BCL9L: variants seen among roughly 807,000 people sequenced by gnomAD.
The protein encoded by BCL9L is BCL9 like.
In BCL9L, 19 loss-of-function variants were observed where a neutral mutation model predicts 99.4. The observed-to-expected ratio is 0.19, with a 90% CI of 0.13 to 0.28. The LOEUF is 0.28. BCL9L is among the 10% of genes least tolerant of loss of function. BCL9L has a pLI of 1.00. For missense variants in BCL9L, 2,023 were observed against 2,101.6 expected (o/e 0.96, Z 0.73); for synonymous variants, 900 against 854.8 (o/e 1.05, Z -0.92).
In BCL9L at chr11:118,900,246, A is replaced by T. The variant is rs1173293674; in HGVS notation, c.3125-48T>A. 2 of 1,518,650 alleles carry T rather than the reference A, an allele frequency of 1.3e-6. No homozygotes were observed. Among genetic ancestry groups the T allele is most frequent in the Non-Finnish European group, 1.8e-6 (2 of 1,130,390 alleles). 94.1% of individuals were successfully genotyped at this position (1,518,650 alleles called of 1,614,324 possible). On this transcript the variant is annotated intron_variant, in intron 8 of 9. Transcript: ENST00000683865. This position sits in a 1 kb window ranked among gnomAD's most constrained non-coding sequence, Gnocchi z 5.3. ...AGAGCAGGGGTGACTGGGGAGGGGC[A>T]GATGAGTTTGGCTGTGGATATGGGG... is the stretch of plus-strand genomic sequence containing the variant.
At chr11:118,904,678 G>C (rs759295530) in intron 5 of BCL9L, among the ~76,000 whole-genome samples, 3 of 152,202 alleles carry the variant, frequency 2.0e-5, no homozygotes, top group Non-Finnish European at 2.9e-5. Flanking sequence ...CAGACAGTAA[G>C]TACCAGCATT....
chr11:118,912,489 C>T (rs1392009311), intron 2 of BCL9L, among the ~76,000 whole-genome samples: 1 of 152,168 alleles, frequency 6.6e-6, no homozygotes, highest in Non-Finnish European at 1.5e-5. Flanking sequence ...TCCGCTCCCC[C>T]ACCCCGAGTG....
chr11:118,902,487 C>A lies in BCL9L; in HGVS notation c.1256G>T (p.Arg419Leu). ...AGTCTCTCCGCTGCGGAGCAGCAGTCGCTCAATGTCTCGCAGCGTCTGGAG... is the reference window on the plus strand; with the variant it reads ...AGTCTCTCCGCTGCGGAGCAGCAGTAGCTCAATGTCTCGCAGCGTCTGGAG... ...RSLQTLRDIE[R>L]LLLRSGETEP... The change falls in exon 8 of 10, where the codon CGA becomes CTA. Residue 419 changes from arginine (R) to leucine (L), a missense_variant. This residue lies in a region of BCL9L where 1,116 missense variants were observed against 1,194.6 expected (regional missense o/e 0.93). Coordinates refer to ENST00000683865, the MANE Select transcript of BCL9L (RefSeq NM_001378213.1). The surrounding 1 kb of genome is among the most constrained non-coding windows in gnomAD (Gnocchi z 7.8). 1 of 1,609,506 alleles carries A rather than the reference C, an allele frequency of 6.2e-7. No individual in the cohort carries two copies. Among genetic ancestry groups the A allele is most frequent in the Non-Finnish European group, 8.5e-7 (1 of 1,179,396 alleles).
rs1322203271 is a variant in BCL9L at position 118,900,113 on chromosome 11, T to C, written c.3210A>G (p.Pro1070=). The C allele has an allele frequency of 6.2e-7, 1 of 1,613,178 alleles. No individual in the cohort carries two copies. The highest frequency in any genetic ancestry group is 1.3e-5 in the African/African-American group (1 of 74,742). The change falls in exon 9 of 10, where the codon CCA becomes CCG. Residue 1070 remains proline, a synonymous_variant. Transcript: ENST00000683865. The surrounding 1 kb of genome is among the most constrained non-coding windows in gnomAD (Gnocchi z 5.3). ...GTGTGGGGTCTGGGGAGGAAGTGAA[T>C]GGTAGGCTGGGGTTCATGAGGCCGC... ...PPSGLMNPSL[P]FTSSPDPTPS...
rs759512014 is a variant in BCL9L, at chr11:118,922,731, G to T, written c.-131+2507C>A. On this transcript the variant is annotated intron_variant, in intron 1 of 9. Coordinates refer to ENST00000683865, the MANE Select transcript of BCL9L (RefSeq NM_001378213.1). The surrounding 1 kb of genome is among the most constrained non-coding windows in gnomAD (Gnocchi z 6.2). The stretch of plus-strand genomic sequence containing the variant: ...AGGTCAGCACCCGGGCAGTGCCCAG[G>T]GCTCTGGCACAAGGAAGGAAGGGAT... 1.8e-4 allele frequency among the ~76,000 whole-genome samples: 27 copies of T among 152,114 alleles called. No individual in the cohort carries two copies. Among genetic ancestry groups the T allele is most frequent in the Non-Finnish European group, 3.7e-4 (25 of 68,006 alleles).
rs1209837729 is a variant in BCL9L at position 118,898,692 on chromosome 11, T to C, written c.4223A>G (p.Gln1408Arg). The C allele has an allele frequency of 6.2e-7, 1 of 1,611,462 alleles. No individual in the cohort carries two copies. The highest frequency in any genetic ancestry group is 1.3e-5 in the African/African-American group (1 of 74,914). ...SLLGRTGVPP[Q>R]QGMVPHGLHQ... ...CAGGCCATGGGGCACCATCCCCTGC[T>C]GTGGGGGCACGCCTGTCCTGCCCAG... The change falls in exon 10 of 10, where the codon CAG (glutamine) becomes CGG (arginine). Residue 1408 changes from glutamine (Q) to arginine (R), a missense_variant. Transcript: ENST00000683865.
chr11:118,911,853 G>C lies in BCL9L; in HGVS notation c.-76-1838C>G, dbSNP rs372250085. Among the ~76,000 whole-genome samples the C allele has an allele frequency of 3.3e-4, 51 of 152,370 alleles. No individual in the cohort carries two copies. In the East Asian group the frequency reaches 7.3e-3, roughly 22 times the overall value. Reference sequence around the variant, plus strand: ...CCACAGTGCCCAGGTCCCCCATAAGGGGGGAGGGGCAGGGCAAGGGCCACT... The same window carrying C: ...CCACAGTGCCCAGGTCCCCCATAAGCGGGGAGGGGCAGGGCAAGGGCCACT... On this transcript the variant is annotated intron_variant, in intron 2 of 9. Coordinates refer to ENST00000683865, the MANE Select transcript of BCL9L (RefSeq NM_001378213.1).
chr11:118,923,556 G>A (rs1941203341), intron 1 of BCL9L, among the ~76,000 whole-genome samples: 1 of 152,140 alleles, frequency 6.6e-6, no homozygotes, highest in South Asian at 2.1e-4. Context: ...CATCCTAGTA[G>A]AGACTCATTC....
intron 5 of BCL9L, among the ~76,000 whole-genome samples, chr11:118,906,712 G>T (rs191585708): frequency 2.0e-5 from 3 of 151,574 alleles, no homozygotes; most frequent in Non-Finnish European, 2.9e-5. Context: ...TTTAGAGATG[G>T]GGTCTCCCTA....
At position 118,907,592 on chromosome 11, in the gene BCL9L, C is replaced by A. The variant is rs139589770; in HGVS notation, c.423G>T (p.Pro141=). 16 of 1,613,018 alleles carry A rather than the reference C, an allele frequency of 9.9e-6. No individual in the cohort carries two copies. The highest frequency in any genetic ancestry group is 1.3e-5 in the African/African-American group (1 of 74,950). ...CCAGCACACAGCGCCGCTTACTCCGCGGCGCCACCTCTGCCCAGGCAGGAC... is the reference window on the plus strand; with the variant it reads ...CCAGCACACAGCGCCGCTTACTCCGAGGCGCCACCTCTGCCCAGGCAGGAC... The part of the protein sequence containing the change: ...SLDSEAKEVA[P]RSKRRCVLER... Residue 141 remains proline, a synonymous_variant, in exon 5 of 10, where the codon CCG becomes CCT. Transcript: ENST00000683865.
Position 118,903,485 on chromosome 11 carries a change from T to A in BCL9L, c.533-33A>T. 1 of 1,606,330 alleles carries A rather than the reference T, an allele frequency of 6.2e-7. No individual in the cohort carries two copies. Among genetic ancestry groups the A allele is most frequent in the Non-Finnish European group, 8.5e-7 (1 of 1,174,638 alleles). On this transcript the variant is annotated intron_variant, in intron 5 of 9. Transcript: ENST00000683865. This position sits in a 1 kb window ranked among gnomAD's most constrained non-coding sequence, Gnocchi z 5.6. Reference sequence around the variant, plus strand: ...AGAGAGGACAGGGAAAGGGGCTAAGTGGTCTAGATACAAGAAGGACCAGCT... The same window carrying A: ...AGAGAGGACAGGGAAAGGGGCTAAGAGGTCTAGATACAAGAAGGACCAGCT...
intron 2 of BCL9L, 27 bp from the exon 3 acceptor site, chr11:118,910,042 A>T: frequency 6.9e-7 from 1 of 1,447,772 alleles, no homozygotes; most frequent in South Asian, 1.2e-5. Context: ...CAAAGAGAAA[A>T]CTCGTGACTT....
rs897128926 is a variant in BCL9L, at chr11:118,921,333, A to C, written c.-130-2454T>G. On this transcript the variant is annotated intron_variant, in intron 1 of 9. Transcript: ENST00000683865. The surrounding 1 kb of genome is among the most constrained non-coding windows in gnomAD (Gnocchi z 5.4). ...GCTAGCACACAAACTCAGACACACA[A>C]ACTTGCAGCGCAGAGTGTGTGAAGT... 6.6e-6 allele frequency among the ~76,000 whole-genome samples: 1 copy of C among 152,074 alleles called. No individual in the cohort carries two copies. Among genetic ancestry groups the C allele is most frequent in the African/African-American group, 2.4e-5 (1 of 41,360 alleles).
chr11:118,901,724 C>G lies in BCL9L; in HGVS notation c.2019G>C (p.Arg673=), dbSNP rs1171864441. The G allele has an allele frequency of 9.3e-6, 15 of 1,613,376 alleles. No homozygotes were observed. The highest frequency in any genetic ancestry group is 1.2e-5 in the Non-Finnish European group (14 of 1,179,810). Reference sequence around the variant, plus strand: ...GGTGCCGCAGCAGCTCCTCACGGACCCGGGGAGTCATGAATCGCTCCGCCT... The same window carrying G: ...GGTGCCGCAGCAGCTCCTCACGGACGCGGGGAGTCATGAATCGCTCCGCCT... ...QGEAERFMTP[R]VREELLRHQL... is the part of the protein sequence containing the mutation. Residue 673 remains arginine (R), a synonymous_variant, in exon 8 of 10, where the codon CGG becomes CGC. Transcript: ENST00000683865. This position sits in a 1 kb window ranked among gnomAD's most constrained non-coding sequence, Gnocchi z 6.6.
At chr11:118,918,263 CTGTG>C (rs147838469) in intron 2 of BCL9L, among the ~76,000 whole-genome samples, 69 of 148,690 alleles carry the variant, frequency 4.6e-4, no homozygotes, top group African/African-American at 1.4e-3. Context: ...AGGGAAGAGG[CTGTG>C]TGTGTGTGTG....
intron 5 of BCL9L, among the ~76,000 whole-genome samples, chr11:118,904,920 G>C (rs939215527): frequency 2.0e-5 from 3 of 152,228 alleles, no homozygotes; most frequent in African/African-American, 7.2e-5. Flanking sequence ...ACCTCAATGT[G>C]TGAAGGCTGC....
At position 118,908,376 on chromosome 11, in the gene BCL9L, G is replaced by A. The variant is rs769347569; in HGVS notation, c.306C>T (p.Pro102=). ...CCTTGCCCTTGAGCGAGCTGAAAGG[G>A]GGCACCCCTGCCTGGGGGTTCTTCA... ...SSLKNPQAGV[P]PFSSLKGKVK... is the part of the protein sequence containing the mutation. Residue 102 remains proline (P), a synonymous_variant, in exon 4 of 10, where the codon CCC becomes CCT. Transcript: ENST00000683865. The A allele has an allele frequency of 6.2e-7, 1 of 1,613,884 alleles. No individual in the cohort carries two copies. The highest frequency in any genetic ancestry group is 8.5e-7 in the Non-Finnish European group (1 of 1,179,860).
intron 5 of BCL9L, among the ~76,000 whole-genome samples, chr11:118,905,365 C>G (rs570526990): frequency 6.6e-6 from 1 of 152,174 alleles, no homozygotes; most frequent in South Asian, 2.1e-4. Flanking sequence ...AAAAATTAGC[C>G]AGGCGTGGTG....
intron 2 of BCL9L, among the ~76,000 whole-genome samples, chr11:118,912,914 G>A (rs1565627541): frequency 6.6e-6 from 1 of 152,158 alleles, no homozygotes; most frequent in Non-Finnish European, 1.5e-5. Context: ...CAGCGCCCGA[G>A]ACGACAGGGT....
Sources: gnomAD v4.1 joint callset for allele counts (sites outside exome capture counted in the v4.1 genomes callset) on GRCh38, gnomAD v4.1.1 for gene constraint, gnomAD v4.1.1 regional missense constraint, Gnocchi (gnomAD v3.1) non-coding constraint, MANE v1.5 for transcripts, NCBI Gene and HGNC (gene_info 2026-07-23, HGNC 2026-07-21) for gene names.